The following UTS2B variants were observed in gnomAD, a reference collection of about 807,000 sequenced individuals.
The protein encoded by UTS2B is urotensin 2B.
A neutral mutation model predicts 19.2 loss-of-function variants in UTS2B; 21 were observed. That is an observed-to-expected ratio of 1.09 (90% confidence interval 0.78 to 1.58). The LOEUF (loss-of-function observed/expected upper bound fraction) is 1.58. Among genes scored for constraint, UTS2B ranks in the 40% most tolerant of loss-of-function variants. UTS2B has a pLI of 0.00. For missense variants in UTS2B, 138 were observed against 130.3 expected, an observed-to-expected ratio of 1.06 and a Z score of -0.29; for synonymous variants, 57 against 50.2, an observed-to-expected ratio of 1.14 and a Z score of -0.58.
At chr3:191,275,999 C>T (rs1344155071) in intron 7 of UTS2B, among the ~76,000 whole-genome samples, 2 of 152,124 alleles carry the variant, frequency 1.3e-5, no homozygotes, top group African/African-American at 4.8e-5. Flanking sequence ...TTTGTGCCAC[C>T]TATAATGAGC....
chr3:191,295,790 G>A (rs972774055), intron 4 of UTS2B, among the ~76,000 whole-genome samples: 4 of 150,026 alleles, frequency 2.7e-5, no homozygotes, highest in East Asian at 3.9e-4. Context: ...TCTCTGTTGC[G>A]TCTTCTTTTC....
the UTS2B span, among the ~76,000 whole-genome samples, chr3:191,336,974 T>C: frequency 8.5e-5 from 13 of 152,318 alleles, no homozygotes; most frequent in Non-Finnish European, 1.5e-4. Flanking sequence ...AAAAAAATAA[T>C]GTTTTGTGAT....
intron 1 of UTS2B, chr3:191,329,117 C>T (rs2108621028): frequency 6.5e-6 from 1 of 153,990 alleles, no homozygotes; most frequent in East Asian, 1.9e-4. Flanking sequence ...CCCGTGTGGC[C>T]TTTTTGTTGA....
chr3:191,323,579 G>A (rs1050121946), intron 2 of UTS2B, among the ~76,000 whole-genome samples: 1 of 152,202 alleles, frequency 6.6e-6, no homozygotes, highest in African/African-American at 2.4e-5. Context: ...GGAATAGGAA[G>A]TTAATTGATC....
chr3:191,329,558 C>A, intron 1 of UTS2B: 1 of 999,016 alleles, frequency 1.0e-6, no homozygotes, highest in Non-Finnish European at 1.4e-6. Context: ...GGCCTGCGAG[C>A]CCTGCCGGCC....
At chr3:191,333,817 CTGTG>C (rs1349388040), upstream of UTS2B, among the ~76,000 whole-genome samples, 1 of 152,070 alleles carries the variant, frequency 6.6e-6, no homozygotes, top group African/African-American at 2.4e-5. Flanking sequence ...ACCTTTTAAA[CTGTG>C]TGTATCACTT....
chr3:191,273,562 G>A, intron 8 of UTS2B: 1 of 456,594 alleles, frequency 2.2e-6, no homozygotes, highest in African/African-American at 2.0e-5. Flanking sequence ...CTGGATGATA[G>A]GGCTACAGAA....
intron 4 of UTS2B, among the ~76,000 whole-genome samples, chr3:191,290,416 C>T (rs1716680048): frequency 6.6e-6 from 1 of 152,144 alleles, no homozygotes; most frequent in South Asian, 2.1e-4. Flanking sequence ...ACAAATAGTA[C>T]CTCATTTAAT....
chr3:191,268,508 T>G, intron 8 of UTS2B, 67 bp from the exon 9 acceptor site: 3 of 1,176,102 alleles, frequency 2.6e-6, no homozygotes, highest in Non-Finnish European at 3.7e-6. Context: ...CTTGAATCAA[T>G]AGCTTATGTG....
Position 191,282,178 on chromosome 3 carries a change from G to A in UTS2B, c.12C>T (p.Ile4=), listed in dbSNP as rs1294159151. 1 of 1,608,890 alleles carries A rather than the reference G, an allele frequency of 6.2e-7. No homozygotes were observed. Among genetic ancestry groups the A allele is most frequent in the East Asian group, 2.2e-5 (1 of 44,764 alleles). ...GTCCAAAGCAAACAGTGCTTGAGAGGATCTTGTTCATGTTAAAAAAAACCT... is the reference window on the plus strand; with the variant it reads ...GTCCAAAGCAAACAGTGCTTGAGAGAATCTTGTTCATGTTAAAAAAAACCT... The part of the protein sequence containing the change: MNK[I]LSSTVCFGLL... Residue 4 remains isoleucine, a synonymous_variant, in exon 5 of 9, where the codon ATC becomes ATT. Transcript: ENST00000340524.
rs528373704 is a variant in UTS2B at position 191,282,203 on chromosome 3, T to A, written c.-14A>T. On this transcript the variant is annotated 5_prime_UTR_variant, in exon 5 of 9. The change creates a new upstream start codon in the 5' untranslated region. Transcript: ENST00000340524. ...GATCTTGTTCATGTTAAAAAAAACC[T>A]TCTGGACTAGCAAAGAAACAGACTT... 5 of 1,582,068 alleles carry A rather than the reference T, an allele frequency of 3.2e-6. No homozygotes were observed. The East Asian group carries it at 9.0e-5, about 29-fold the overall frequency.
chr3:191,296,903 A>G (rs1716871172), intron 4 of UTS2B, among the ~76,000 whole-genome samples: 1 of 152,242 alleles, frequency 6.6e-6, no homozygotes, highest in African/African-American at 2.4e-5. Context: ...CAAGTGAGGT[A>G]GAGAGGAATC....
chr3:191,293,310 T>C (rs1408344867), intron 4 of UTS2B, among the ~76,000 whole-genome samples: 3 of 152,216 alleles, frequency 2.0e-5, no homozygotes, highest in Non-Finnish European at 2.9e-5. Flanking sequence ...TTTGAAGAGT[T>C]TGTAAAGGAT....
At chr3:191,288,991 T>C (rs1716632119) in intron 4 of UTS2B, among the ~76,000 whole-genome samples, 1 of 151,778 alleles carries the variant, frequency 6.6e-6, no homozygotes, top group African/African-American at 2.4e-5. Flanking sequence ...TCTAAGAAAC[T>C]CAAACAAATC....
At chr3:191,340,375 TA>T in the UTS2B span, among the ~76,000 whole-genome samples, 1 of 152,220 alleles carries the variant, frequency 6.6e-6, no homozygotes, top group Admixed American at 6.5e-5. Flanking sequence ...TTTCAGATGC[TA>T]AAGTGTCATG....
At chr3:191,338,056 A>G in the UTS2B span, among the ~76,000 whole-genome samples, 9,073 of 152,088 alleles carry the variant, frequency 0.06, 480 homozygotes, top group East Asian at 0.25. Context: ...TGTTTTTCCA[A>G]TGAGTCATAA....
At chr3:191,342,155 C>T in the UTS2B span, among the ~76,000 whole-genome samples, 1 of 152,106 alleles carries the variant, frequency 6.6e-6, no homozygotes, top group African/African-American at 2.4e-5. Context: ...GTTTTCTGTT[C>T]CTAACTTTTG....
At chr3:191,280,573 T>C (rs769288685) in intron 5 of UTS2B, among the ~76,000 whole-genome samples, 2 of 152,180 alleles carry the variant, frequency 1.3e-5, no homozygotes, top group Admixed American at 6.5e-5. Context: ...TAATCTTCCT[T>C]ATTTACATAT....
chr3:191,289,215 C>T (rs771726669), intron 4 of UTS2B, among the ~76,000 whole-genome samples: 4 of 151,996 alleles, frequency 2.6e-5, no homozygotes, highest in Non-Finnish European at 5.9e-5. Flanking sequence ...CGAGACCATC[C>T]TGGCTAACAT....
Sources: gnomAD v4.1 joint callset for allele counts (sites outside exome capture counted in the v4.1 genomes callset) on GRCh38, gnomAD v4.1.1 for gene constraint, MANE v1.5 for transcripts, NCBI Gene and HGNC (gene_info 2026-07-23, HGNC 2026-07-21) for gene names.